Variants in STARD13 observed in about 807,000 individuals in gnomAD.
STARD13 encodes stAR-related lipid transfer protein 13.
STARD13 carries 62 observed loss-of-function variants against 106.4 expected under a neutral mutation model. That is an observed-to-expected ratio of 0.58 (90% CI 0.48 to 0.72). STARD13 has a LOEUF of 0.72. Among genes scored for constraint, STARD13 ranks in the 30% least tolerant of loss-of-function variants. The pLI, the probability that STARD13 is intolerant of heterozygous loss-of-function variation, is 0.00. For missense variants in STARD13, 1,387 were observed against 1,424.0 expected, an observed-to-expected ratio of 0.97 and a Z score of 0.42; for synonymous variants, 565 against 553.0, an observed-to-expected ratio of 1.02 and a Z score of -0.31.
downstream of STARD13, among the ~76,000 whole-genome samples, chr13:33,347,957 C>T (rs924793734): frequency 2.6e-5 from 4 of 152,248 alleles, no homozygotes; most frequent in East Asian, 1.9e-4. Flanking sequence ...ATTTTAGCTA[C>T]CTTAGCAAGA....
At chr13:33,664,989 T>C in the STARD13 span, among the ~76,000 whole-genome samples, 1 of 152,346 alleles carries the variant, frequency 6.6e-6, no homozygotes, top group Non-Finnish European at 1.5e-5. Flanking sequence ...TAAGATCCTG[T>C]GTGAGAAATG....
At chr13:33,221,627 C>T (rs1888360076) in intron 1 of STARD13, among the ~76,000 whole-genome samples, 1 of 152,162 alleles carries the variant, frequency 6.6e-6, no homozygotes, top group African/African-American at 2.4e-5. Context: ...TCCCATTCCT[C>T]CATGCAGGAC....
chr13:33,105,984 C>T (rs1223635911), intron 13 of STARD13, among the ~76,000 whole-genome samples: 2 of 152,160 alleles, frequency 1.3e-5, no homozygotes, highest in Non-Finnish European at 2.9e-5. Flanking sequence ...CAGATGAAAT[C>T]CAGAATTTAC....
chr13:33,226,185 T>A (rs932469125), intron 1 of STARD13, among the ~76,000 whole-genome samples: 1 of 152,266 alleles, frequency 6.6e-6, no homozygotes, highest in African/African-American at 2.4e-5. Context: ...TTCTGTTGTT[T>A]AAGCCACTCA....
At chr13:33,325,394 C>G (rs1184985567) in intron 1 of STARD13, among the ~76,000 whole-genome samples, 1 of 152,090 alleles carries the variant, frequency 6.6e-6, no homozygotes, top group Non-Finnish European at 1.5e-5. Context: ...CCTGATTATT[C>G]TATACACAGA....
chr13:33,662,631 C>A, the STARD13 span, among the ~76,000 whole-genome samples: 1 of 152,210 alleles, frequency 6.6e-6, no homozygotes, highest in Admixed American at 6.5e-5. Flanking sequence ...CTATTGGAAA[C>A]AAACCTCCCC....
chr13:33,596,466 G>T, the STARD13 span, among the ~76,000 whole-genome samples: 5,535 of 152,252 alleles, frequency 0.036, 258 homozygotes, highest in African/African-American at 0.099. Context: ...TACGTGTGAT[G>T]TTTTGATATA....
chr13:33,412,753 G>C, the STARD13 span, among the ~76,000 whole-genome samples: 1 of 152,162 alleles, frequency 6.6e-6, no homozygotes, highest in East Asian at 1.9e-4. Context: ...AATTCACCAA[G>C]AGGATACAGT....
At chr13:33,285,771 T>C, upstream of STARD13, 1 of 1,469,710 alleles carries the variant, frequency 6.8e-7, no homozygotes, top group Non-Finnish European at 8.9e-7. Flanking sequence ...GAAAGAGGAG[T>C]GCCAAAGCCA....
At chr13:33,591,603 T>C in the STARD13 span, among the ~76,000 whole-genome samples, 1 of 152,194 alleles carries the variant, frequency 6.6e-6, no homozygotes, top group Non-Finnish European at 1.5e-5. Flanking sequence ...TAACATTCCT[T>C]ATTTTCTGAG....
rs1296455645 is a variant in STARD13 at position 33,129,421 on chromosome 13, T to C, written c.1256A>G (p.Asp419Gly). Residue 419 changes from aspartate (D) to glycine (G), a missense_variant, in exon 5 of 14, where the codon GAT becomes GGT. Physicochemically the swap from Asp to Gly is moderately conservative, Grantham distance 94. Coordinates refer to ENST00000336934, the MANE Select transcript of STARD13 (RefSeq NM_178006.4). Reference protein sequence around the residue: ...ALSIESLSPTDSSNGVNWRTG... With the variant: ...ALSIESLSPTGSSNGVNWRTG... ...CCTCCAATTAACCCCATTGCTACTA[T>C]CTGTGGGAGAGAGGCTTTCAATAGA... 1.9e-6 allele frequency: 3 copies of C among 1,614,026 alleles called. No homozygotes were observed. Among genetic ancestry groups the C allele is most frequent in the East Asian group, 2.2e-5 (1 of 44,882 alleles).
At chr13:33,174,588 C>T (rs963588516) in intron 1 of STARD13, among the ~76,000 whole-genome samples, 1 of 152,172 alleles carries the variant, frequency 6.6e-6, no homozygotes, top group Admixed American at 6.5e-5. Flanking sequence ...AATGATGACA[C>T]TGGGGACAGA....
At chr13:33,480,529 T>C in the STARD13 span, among the ~76,000 whole-genome samples, 1 of 152,178 alleles carries the variant, frequency 6.6e-6, no homozygotes, top group Non-Finnish European at 1.5e-5. Flanking sequence ...GACTATTATA[T>C]GATATTCTAC....
chr13:33,125,080 T>C (rs935093162), intron 7 of STARD13, among the ~76,000 whole-genome samples: 1 of 152,178 alleles, frequency 6.6e-6, no homozygotes, highest in Non-Finnish European at 1.5e-5. Flanking sequence ...GCACTGAAAA[T>C]TGATTTCTGG....
the STARD13 span, among the ~76,000 whole-genome samples, chr13:33,582,949 A>G: frequency 6.6e-6 from 1 of 152,238 alleles, no homozygotes; most frequent in Admixed American, 6.5e-5. Context: ...CAATTCATCA[A>G]ATTTCTCCTG....
chr13:33,326,777 G>C (rs1456501458), intron 1 of STARD13, among the ~76,000 whole-genome samples: 1 of 152,174 alleles, frequency 6.6e-6, no homozygotes, highest in South Asian at 2.1e-4. Context: ...TTATGTATTA[G>C]GTTAAGAATA....
intron 1 of STARD13, among the ~76,000 whole-genome samples, chr13:33,268,324 C>T (rs896787984): frequency 8.5e-5 from 13 of 152,296 alleles, no homozygotes; most frequent in African/African-American, 2.6e-4. Flanking sequence ...TGTTCTTTAG[C>T]TTCTACTTTA....
At chr13:33,572,843 A>C in the STARD13 span, among the ~76,000 whole-genome samples, 1,159 of 152,304 alleles carry the variant, frequency 7.6e-3, 11 homozygotes, top group Middle Eastern at 0.024. Flanking sequence ...GAGATGTTTT[A>C]AAGTATATGG....
the STARD13 span, among the ~76,000 whole-genome samples, chr13:33,443,727 T>TACAAAAATTAGCTGGACGTGGTG: frequency 6.6e-5 from 10 of 150,856 alleles, no homozygotes; most frequent in Admixed American, 6.6e-4. Context: ...CTACTGAAAA[T>TACAAAAATTAGCTGGACGTGGTG]ACAAAAATTA....
Sources: allele counts gnomAD v4.1 joint callset (sites outside exome capture counted in the v4.1 genomes callset), GRCh38; gene constraint gnomAD v4.1.1; transcripts MANE v1.5; gene names NCBI Gene and HGNC (gene_info 2026-07-23, HGNC 2026-07-21).